The following EPAS1 variants were observed in gnomAD, a reference collection of about 807,000 sequenced individuals.
EPAS1 encodes the protein endothelial PAS domain-containing protein 1.
A neutral mutation model predicts 87.9 loss-of-function variants in EPAS1; 23 were observed. The observed-to-expected ratio is 0.26, with a 90% CI of 0.19 to 0.37. The LOEUF (loss-of-function observed/expected upper bound fraction) is 0.37. EPAS1 is among the 10% of genes least tolerant of loss of function. The pLI, the probability that EPAS1 is intolerant of heterozygous loss-of-function variation, is 1.00. For missense variants in EPAS1, 1,138 were observed against 1,120.7 expected, an observed-to-expected ratio of 1.02 and a Z score of -0.22; for synonymous variants, 508 against 444.3, an observed-to-expected ratio of 1.14 and a Z score of -1.80.
chr2:46,307,655 G>T (rs570355557), intron 1 of EPAS1, among the ~76,000 whole-genome samples: 1 of 152,236 alleles, frequency 6.6e-6, no homozygotes, highest in Non-Finnish European at 1.5e-5. Context: ...GTGTGGCTGG[G>T]CACTGTGTGG....
chr2:46,356,047 C>T lies in EPAS1; in HGVS notation c.218-104C>T, dbSNP rs1031564291. The T allele has an allele frequency of 9.2e-6, 12 of 1,303,998 alleles. No individual in the cohort carries two copies. In the African/African-American group the frequency reaches 1.4e-4, roughly 16 times the overall value. 80.8% of individuals were successfully genotyped at this position (1,303,998 alleles called of 1,614,324 possible). On this transcript the variant is annotated intron_variant, in intron 2 of 15. Transcript: ENST00000263734. ...GGCAGTATGCGTTTCCAGAAAAGTC[C>T]ACCCAATGCCTTTGCACCATCCCTG...
chr2:46,384,422 A>G (rs770866159), intron 15 of EPAS1, 87 bp from the exon 16 acceptor site: 35 of 1,579,660 alleles, frequency 2.2e-5, no homozygotes, highest in East Asian at 2.0e-4. Context: ...GGGCTGCTCT[A>G]TTGGTATCCC....
rs1159459513 is a variant in EPAS1 at position 46,376,833 on chromosome 2, G to A, written c.1249+80G>A. On this transcript the variant is annotated intron_variant, in intron 9 of 15. Coordinates refer to ENST00000263734, the MANE Select transcript of EPAS1 (RefSeq NM_001430.5). ...GTTCTTACTATAACAGGCCTCCCTG[G>A]CTGCAGCTTTTTCTTAACCAGAGCT... is the stretch of plus-strand genomic sequence containing the variant. 3.4e-6 allele frequency: 5 copies of A among 1,468,110 alleles called. No homozygotes were observed. The East Asian group carries it at 1.1e-4, about 33-fold the overall frequency. 90.9% of individuals were successfully genotyped at this position (1,468,110 alleles called of 1,614,324 possible). A position where few individuals can be genotyped will look rare whatever the true frequency, so the allele number is the denominator to read the frequency against.
rs755520722 is a variant in EPAS1 at position 46,380,571 on chromosome 2, C to T, written c.1899C>T (p.Gly633=). 1.9e-6 allele frequency: 3 copies of T among 1,614,128 alleles called. No homozygotes were observed. The highest frequency in any genetic ancestry group is 2.5e-6 in the Non-Finnish European group (3 of 1,180,010). Residue 633 remains glycine, a synonymous_variant, in exon 12 of 16, where the codon GGC becomes GGT. Coordinates refer to ENST00000263734, the MANE Select transcript of EPAS1 (RefSeq NM_001430.5). This position sits in a 1 kb window ranked among gnomAD's most constrained non-coding sequence, Gnocchi z 4.4. The part of the protein sequence containing the change: ...QASTPLSSMG[G]RSNTQWPPDP... ...GCACCCCTCTCTCTTCCATGGGGGG[C>T]AGATCCAATACCCAGTGGCCCCCAG...
intron 1 of EPAS1, among the ~76,000 whole-genome samples, chr2:46,325,784 C>T (rs868501023): frequency 6.6e-6 from 1 of 152,136 alleles, no homozygotes; most frequent in Non-Finnish European, 1.5e-5. Context: ...AACTTGAAAT[C>T]CTATTACCAT....
intron 1 of EPAS1, among the ~76,000 whole-genome samples, chr2:46,330,505 G>C (rs9679290): frequency 0.41 from 62,670 of 152,120 alleles, 14,180 homozygotes; most frequent in East Asian, 0.67. Flanking sequence ...TTTGTCAGAA[G>C]TTCTCTAGAA....
chr2:46,356,129 T>TGC (rs1553394822), intron 2 of EPAS1, 22 bp from the exon 3 acceptor site: 2 of 1,242,712 alleles, frequency 1.6e-6, no homozygotes, highest in Admixed American at 2.0e-5. Flanking sequence ...ATGCAAGCTG[T>TGC]CCCACCCCCC....
At chr2:46,382,176 C>A (rs1684913831) in intron 14 of EPAS1, 87 bp downstream of exon 14, 6 of 1,286,738 alleles carry the variant, frequency 4.7e-6, no homozygotes, top group African/African-American at 2.9e-5. Flanking sequence ...TTCCATTCAC[C>A]ACAGGCCGTA....
intron 1 of EPAS1, among the ~76,000 whole-genome samples, chr2:46,332,574 T>C (rs1326262377): frequency 6.6e-6 from 1 of 152,162 alleles, no homozygotes; most frequent in Non-Finnish European, 1.5e-5. Flanking sequence ...AAGTTTGGGC[T>C]AATGGACAGT....
intron 1 of EPAS1, among the ~76,000 whole-genome samples, chr2:46,299,427 C>G (rs942079959): frequency 6.6e-6 from 1 of 152,186 alleles, no homozygotes; most frequent in Non-Finnish European, 1.5e-5. Flanking sequence ...CCAGGGCCCT[C>G]GGAGCAGTCC....
intron 2 of EPAS1, among the ~76,000 whole-genome samples, chr2:46,351,850 TC>T (rs1684151131): frequency 6.6e-6 from 1 of 152,144 alleles, no homozygotes; most frequent in South Asian, 2.1e-4. Context: ...CTCAGGAGCC[TC>T]TGCTCTGCCA....
At chr2:46,379,132 A>T (rs975269657) in intron 11 of EPAS1, among the ~76,000 whole-genome samples, 1 of 152,244 alleles carries the variant, frequency 6.6e-6, no homozygotes, top group African/African-American at 2.4e-5. Context: ...TTATAAACAC[A>T]TTCATCTTGT....
intron 1 of EPAS1, 47 bp downstream of exon 1, chr2:46,297,984 C>A (rs201022259): frequency 1.2e-5 from 20 of 1,605,526 alleles, no homozygotes; most frequent in Non-Finnish European, 1.7e-5. Context: ...GAGGCCAGGG[C>A]CGGGCTGCGC....
intron 1 of EPAS1, among the ~76,000 whole-genome samples, chr2:46,320,469 T>C (rs1683434030): frequency 6.6e-6 from 1 of 152,260 alleles, no homozygotes; most frequent in East Asian, 1.9e-4. Context: ...AGATGACTTT[T>C]GCAGTGCTCA....
rs1684707905 is a variant in EPAS1 at position 46,375,013 on chromosome 2, C to T, written c.887-677C>T. Among the ~76,000 whole-genome samples, 1 of 152,080 alleles carries T rather than the reference C, an allele frequency of 6.6e-6. No individual in the cohort carries two copies. The highest frequency in any genetic ancestry group is 1.5e-5 in the Non-Finnish European group (1 of 68,012). ...TGCCAGGGTCCCAGCTCTTTCTCAG[C>T]CCCAACTGAGAAAGGGTGGGGTGGT... On this transcript the variant is annotated intron_variant, in intron 7 of 15. Transcript: ENST00000263734. The surrounding 1 kb of genome is among the most constrained non-coding windows in gnomAD (Gnocchi z 4.1).
intron 1 of EPAS1, among the ~76,000 whole-genome samples, chr2:46,332,011 C>G (rs754770842): frequency 7.9e-5 from 12 of 152,316 alleles, no homozygotes; most frequent in Non-Finnish European, 1.6e-4. Flanking sequence ...ACTGTTTTAT[C>G]TGCTGGACAG....
chr2:46,370,172 G>A (rs181952148), intron 7 of EPAS1, among the ~76,000 whole-genome samples: 1 of 152,244 alleles, frequency 6.6e-6, no homozygotes, highest in African/African-American at 2.4e-5. Context: ...CCGTGCCAAG[G>A]TGCACAGCTG....
intron 2 of EPAS1, among the ~76,000 whole-genome samples, chr2:46,353,576 T>C (rs1156412906): frequency 6.6e-6 from 1 of 152,218 alleles, no homozygotes; most frequent in African/African-American, 2.4e-5. Context: ...ATACTCAAAT[T>C]TGAAAGCACT....
intron 1 of EPAS1, among the ~76,000 whole-genome samples, chr2:46,329,205 C>T (rs1197071550): frequency 3.3e-5 from 5 of 152,146 alleles, no homozygotes; most frequent in East Asian, 1.9e-4. Flanking sequence ...GAAAGTGAAG[C>T]GCTAGGATTG....
Sources: allele counts gnomAD v4.1 joint callset (sites outside exome capture counted in the v4.1 genomes callset), GRCh38; gene constraint gnomAD v4.1.1; non-coding constraint Gnocchi (gnomAD v3.1); transcripts MANE v1.5; gene names NCBI Gene and HGNC (gene_info 2026-07-23, HGNC 2026-07-21).